The following LPCAT3 variants were observed in gnomAD, a reference collection of about 807,000 sequenced individuals.
LPCAT3 encodes lysophospholipid acyltransferase 5.
LPCAT3 carries 21 observed loss-of-function variants against 63.4 expected under a neutral mutation model. That is an observed-to-expected ratio of 0.33 (90% confidence interval 0.23 to 0.48). The LOEUF (loss-of-function observed/expected upper bound fraction) is 0.48. Among genes scored for constraint, LPCAT3 ranks in the 20% least tolerant of loss-of-function variants. The pLI is 0.99. For synonymous variants in LPCAT3, 242 were observed against 227.5 expected (o/e 1.06, Z -0.58); for missense variants, 451 against 590.6 (o/e 0.76, Z 2.45).
Position 6,977,081 on chromosome 12 carries a change from G to A in LPCAT3, c.*12+53C>T, listed in dbSNP as rs1274873147. 1 of 1,104,310 alleles carries A rather than the reference G, an allele frequency of 9.1e-7. No individual in the cohort carries two copies. The highest frequency in any genetic ancestry group is 1.4e-6 in the Non-Finnish European group (1 of 723,594). 68.4% of individuals were successfully genotyped at this position (1,104,310 alleles called of 1,614,324 possible). On this transcript the variant is annotated intron_variant, in intron 12 of 12. Transcript: ENST00000261407. This position sits in a 1 kb window ranked among gnomAD's most constrained non-coding sequence, Gnocchi z 4.5. ...TAATACTATTGTTTTTTTCCAGTCT[G>A]TTGCTCTATTCTGTAACCTGGTGGT...
At position 6,978,191 on chromosome 12, in the gene LPCAT3, A is replaced by G. The variant is rs1591711184; in HGVS notation, c.1040+150T>C. The G allele has an allele frequency of 4.9e-6, 4 of 812,952 alleles. No individual in the cohort carries two copies. The East Asian group carries it at 1.1e-4, about 22-fold the overall frequency. The allele number at this position is 812,952 out of a possible 1,614,324, so 50.4% of individuals were successfully genotyped here. On this transcript the variant is annotated intron_variant, in intron 9 of 12. Transcript: ENST00000261407. ...GTAATGGTTTTTTTGGGAGGGGGGT[A>G]TAGGTGGGGGTCAAAGTCAGTGTGA...
chr12:6,978,288 G>T, intron 9 of LPCAT3, 53 bp downstream of exon 9: 1 of 1,560,568 alleles, frequency 6.4e-7, no homozygotes, highest in Non-Finnish European at 8.7e-7. Flanking sequence ...CTCCAATCTG[G>T]GAAGACAGTG....
chr12:6,982,033 A>C, intron 3 of LPCAT3, 129 bp from the exon 4 acceptor site: 1 of 625,484 alleles, frequency 1.6e-6, no homozygotes. Context: ...ATTCCTACAA[A>C]TGGAGGTGCT....
chr12:7,007,661 A>C (rs1946736790), intron 1 of LPCAT3, among the ~76,000 whole-genome samples: 1 of 150,580 alleles, frequency 6.6e-6, no homozygotes, highest in Admixed American at 6.6e-5. Flanking sequence ...TGCCCGGCTA[A>C]TTTTTGTATT....
intron 1 of LPCAT3, among the ~76,000 whole-genome samples, chr12:7,004,851 A>T (rs1387679564): frequency 6.6e-6 from 1 of 152,218 alleles, no homozygotes; most frequent in Non-Finnish European, 1.5e-5. Context: ...TTAGCTTGCC[A>T]TTCAAGGCCC....
chr12:7,016,265 AT>A (rs1309527263), intron 1 of LPCAT3, among the ~76,000 whole-genome samples: 1 of 148,754 alleles, frequency 6.7e-6, no homozygotes, highest in African/African-American at 2.5e-5. Flanking sequence ...CGCCCAGCTC[AT>A]TTTTTTATTA....
At chr12:7,008,056 T>G (rs1305148186) in intron 1 of LPCAT3, among the ~76,000 whole-genome samples, 1 of 152,156 alleles carries the variant, frequency 6.6e-6, no homozygotes, top group Non-Finnish European at 1.5e-5. Flanking sequence ...TAGCTCACTA[T>G]CTTCAAAGCT....
intron 3 of LPCAT3, among the ~76,000 whole-genome samples, chr12:6,982,354 T>C (rs1555154218): frequency 6.6e-6 from 1 of 152,186 alleles, no homozygotes; most frequent in African/African-American, 2.4e-5. Context: ...TTAGGTTCTT[T>C]AACTCATTCT....
At chr12:6,991,484 A>G (rs782758248) in intron 1 of LPCAT3, among the ~76,000 whole-genome samples, 1 of 152,360 alleles carries the variant, frequency 6.6e-6, no homozygotes, top group South Asian at 2.1e-4. Flanking sequence ...TTTCATTAGA[A>G]TACATATCAA....
In LPCAT3 at chr12:6,977,496, G is replaced by C; in HGVS notation, c.1218C>G (p.Thr406=). 1 of 1,614,198 alleles carries C rather than the reference G, an allele frequency of 6.2e-7. No individual in the cohort carries two copies. Residue 406 remains threonine (T), a synonymous_variant, in exon 11 of 13, where the codon ACC becomes ACG. Coordinates refer to ENST00000261407, the MANE Select transcript of LPCAT3 (RefSeq NM_005768.6). This position sits in a 1 kb window ranked among gnomAD's most constrained non-coding sequence, Gnocchi z 4.5. ...CAGTAATGGCGGCCAGCTTGCTCAG[G>C]GTGGGGCTCTCTTGAATGAGCCTGG... ...QAARLIQESP[T]LSKLAAITVL...
At chr12:6,992,401 G>A (rs1211409819) in intron 1 of LPCAT3, among the ~76,000 whole-genome samples, 2 of 152,148 alleles carry the variant, frequency 1.3e-5, no homozygotes, top group Non-Finnish European at 1.5e-5. Flanking sequence ...GATTGTGAGT[G>A]CATGGCAGTA....
At chr12:7,008,366 C>A (rs1292002083) in intron 1 of LPCAT3, among the ~76,000 whole-genome samples, 1 of 152,092 alleles carries the variant, frequency 6.6e-6, no homozygotes, top group African/African-American at 2.4e-5. Flanking sequence ...CACACACACT[C>A]CTATCTTAAA....
At chr12:6,980,428 C>A (rs1946458045) in intron 6 of LPCAT3, among the ~76,000 whole-genome samples, 1 of 152,160 alleles carries the variant, frequency 6.6e-6, no homozygotes, top group Non-Finnish European at 1.5e-5. Flanking sequence ...AAGCTCACTG[C>A]AGCCTTGACC....
chr12:6,979,264 C>T lies in LPCAT3; in HGVS notation c.786+207G>A, dbSNP rs1015198748. ...CAACGGGTGCTAAATGTGCACCTGG[C>T]ACAGCCCTGTGCCCGCGAAGGTTGT... On this transcript the variant is annotated intron_variant, in intron 7 of 12. Transcript: ENST00000261407. 50 of 586,052 alleles carry T rather than the reference C, an allele frequency of 8.5e-5. No individual in the cohort carries two copies. In the East Asian group the frequency reaches 1.4e-3, roughly 16 times the overall value. 36.3% of individuals were successfully genotyped at this position (586,052 alleles called of 1,614,324 possible).
At chr12:6,998,563 T>G (rs782052185) in intron 1 of LPCAT3, among the ~76,000 whole-genome samples, 2 of 152,346 alleles carry the variant, frequency 1.3e-5, no homozygotes, top group African/African-American at 4.8e-5. Flanking sequence ...TCTACTTAAG[T>G]GATGGGTAAC....
At chr12:7,012,917 T>C (rs1295904396) in intron 1 of LPCAT3, among the ~76,000 whole-genome samples, 1 of 152,248 alleles carries the variant, frequency 6.6e-6, no homozygotes, top group Non-Finnish European at 1.5e-5. Context: ...AGCTAATAAG[T>C]TGCCAAGTCA....
chr12:7,006,772 A>T (rs1310942183), intron 1 of LPCAT3, among the ~76,000 whole-genome samples: 2 of 152,174 alleles, frequency 1.3e-5, no homozygotes, highest in Non-Finnish European at 1.5e-5. Flanking sequence ...CTTTATGTGT[A>T]CTATTTCAGT....
At chr12:6,983,931 C>T (rs782421403) in intron 1 of LPCAT3, among the ~76,000 whole-genome samples, 11 of 152,042 alleles carry the variant, frequency 7.2e-5, no homozygotes, top group Non-Finnish European at 1.3e-4. Flanking sequence ...TTGCTTGAGC[C>T]GAGGAGTTCG....
chr12:7,001,282 T>C, intron 1 of LPCAT3: 1 of 380,746 alleles, frequency 2.6e-6, no homozygotes, highest in South Asian at 2.0e-5. Context: ...GCTCACATGG[T>C]CATATATTTT....
Sources: allele counts gnomAD v4.1 joint callset (sites outside exome capture counted in the v4.1 genomes callset), GRCh38; gene constraint gnomAD v4.1.1; non-coding constraint Gnocchi (gnomAD v3.1); transcripts MANE v1.5; gene names NCBI Gene and HGNC (gene_info 2026-07-23, HGNC 2026-07-21).